The following SBF2 variants were observed in gnomAD, a reference collection of about 807,000 sequenced individuals.
The protein encoded by SBF2 is SET binding factor 2, also known as myotubularin-related protein 13.
SBF2 carries 112 observed loss-of-function variants against 225.2 expected under a neutral mutation model. The observed-to-expected ratio is 0.50, with a 90% CI of 0.43 to 0.58. The LOEUF is 0.58. Among genes scored for constraint, SBF2 ranks in the 20% least tolerant of loss-of-function variants. The probability of loss-of-function intolerance (pLI) is 0.00; values close to 1 mark genes in which losing one functional copy is unlikely to be tolerated. For missense variants in SBF2, 1,996 were observed against 2,206.2 expected (o/e 0.90, Z 1.91); for synonymous variants, 763 against 773.3 (o/e 0.99, Z 0.22).
rs7115667 is a variant in SBF2, at chr11:9,904,160, T to C, written c.1861-8149A>G. Reference sequence around the variant, plus strand: ...AATGTTCTGGTTAAAAAAACAAAGATTGACACTGAATCTAAAAACAGAATC... The same window carrying C: ...AATGTTCTGGTTAAAAAAACAAAGACTGACACTGAATCTAAAAACAGAATC... On this transcript the variant is annotated intron_variant, in intron 16 of 39. Transcript: ENST00000256190. Among the ~76,000 whole-genome samples, 721 of 152,094 alleles carry C rather than the reference T, an allele frequency of 4.7e-3. 5 individuals are homozygous for C. The highest frequency in any genetic ancestry group is 0.017 in the African/African-American group (685 of 41,470).
intron 16 of SBF2, among the ~76,000 whole-genome samples, chr11:9,939,798 T>G (rs1865141898): frequency 1.3e-5 from 2 of 152,156 alleles, no homozygotes. Flanking sequence ...GTTGAAATTT[T>G]GTTCAAAGGG....
At chr11:9,865,214 T>C (rs978707167) in intron 17 of SBF2, among the ~76,000 whole-genome samples, 1 of 152,198 alleles carries the variant, frequency 6.6e-6, no homozygotes, top group Non-Finnish European at 1.5e-5. Context: ...TTTATTCAGG[T>C]AATGAGAATT....
intron 36 of SBF2, among the ~76,000 whole-genome samples, chr11:9,786,395 G>GA (rs1200675535): frequency 5.9e-5 from 9 of 151,904 alleles, no homozygotes; most frequent in South Asian, 2.1e-4. Flanking sequence ...TTCATTATTA[G>GA]AAAAAATCAA....
chr11:10,007,842 A>G (rs1312948603), intron 6 of SBF2, among the ~76,000 whole-genome samples: 3 of 152,220 alleles, frequency 2.0e-5, no homozygotes, highest in Non-Finnish European at 4.4e-5. Flanking sequence ...ACCCACTAGA[A>G]ACCAGACTCC....
chr11:9,798,887 G>A (rs1853303540), intron 32 of SBF2, among the ~76,000 whole-genome samples: 1 of 149,670 alleles, frequency 6.7e-6, no homozygotes, highest in Non-Finnish European at 1.5e-5. Context: ...GGGAGGCGGA[G>A]CTTGCAGTGA....
chr11:10,045,404 T>A (rs925905127), intron 2 of SBF2, among the ~76,000 whole-genome samples: 1 of 152,266 alleles, frequency 6.6e-6, no homozygotes, highest in South Asian at 2.1e-4. Flanking sequence ...TGACTTCAAG[T>A]GATCCACCCG....
chr11:9,884,424 A>G (rs2134095534), intron 17 of SBF2, among the ~76,000 whole-genome samples: 1 of 152,332 alleles, frequency 6.6e-6, no homozygotes, highest in South Asian at 2.1e-4. Flanking sequence ...ATGAAATCTT[A>G]CATATAAGTT....
intron 16 of SBF2, among the ~76,000 whole-genome samples, chr11:9,936,856 C>A (rs11042556): frequency 0.33 from 49,627 of 151,954 alleles, 9,380 homozygotes; most frequent in Non-Finnish European, 0.43. Context: ...ATGTAAATGA[C>A]AAGTTCATAG....
intron 6 of SBF2, among the ~76,000 whole-genome samples, chr11:10,012,531 C>A (rs1263229557): frequency 1.3e-5 from 2 of 152,138 alleles, no homozygotes; most frequent in East Asian, 1.9e-4. Context: ...AGGTTTTTGA[C>A]CACTGTCATT....
intron 1 of SBF2, among the ~76,000 whole-genome samples, chr11:10,223,399 TTATATATATATATATATATATATATATA>T (rs3074175): frequency 1.2e-4 from 7 of 59,272 alleles, no homozygotes; most frequent in Non-Finnish European, 1.4e-4. Flanking sequence ...ATTTTGCACA[TTATATATATATATATATATATATATATA>T]TATATATATA....
chr11:10,272,232 G>A (rs548507459), intron 1 of SBF2: 4 of 1,145,064 alleles, frequency 3.5e-6, no homozygotes, highest in Non-Finnish European at 4.9e-6. Context: ...AAGAGCTGCA[G>A]GGCGCTCGCG....
chr11:9,902,385 C>T (rs1029118282), intron 16 of SBF2, among the ~76,000 whole-genome samples: 1 of 152,184 alleles, frequency 6.6e-6, no homozygotes, highest in Non-Finnish European at 1.5e-5. Flanking sequence ...TTGAATCCAC[C>T]TATGACCTGT....
intron 2 of SBF2, among the ~76,000 whole-genome samples, chr11:10,160,627 T>C (rs968368353): frequency 6.6e-6 from 1 of 152,212 alleles, no homozygotes; most frequent in African/African-American, 2.4e-5. Flanking sequence ...TTGGAGATTG[T>C]CCTTAAAAAC....
intron 17 of SBF2, among the ~76,000 whole-genome samples, chr11:9,871,036 C>A (rs1476198357): frequency 3.4e-5 from 5 of 148,932 alleles, no homozygotes; most frequent in Non-Finnish European, 7.4e-5. Flanking sequence ...GCAAAACTAT[C>A]AAAAACCCTA....
At chr11:10,246,338 C>T (rs1417043563) in intron 1 of SBF2, among the ~76,000 whole-genome samples, 1 of 152,148 alleles carries the variant, frequency 6.6e-6, no homozygotes, top group Non-Finnish European at 1.5e-5. Flanking sequence ...AGGTGGAGTG[C>T]AATGGCGCAA....
chr11:9,967,961 CTCTCTCTCTCTATA>C lies in SBF2; in HGVS notation c.1600+366_1600+379del, dbSNP rs1394233406. ...TCTGTCTGTCTGTCTCTCTCTCTCTCTCTCTCTCTCTATATATATATATATATATAAAATATATA... is the reference window on the plus strand; with the variant it reads ...TCTGTCTGTCTGTCTCTCTCTCTCTCTATATATATATATATAAAATATATA... On this transcript the variant is annotated intron_variant, in intron 14 of 39. Transcript: ENST00000256190. Among the ~76,000 whole-genome samples the C allele has an allele frequency of 1.0e-4, 13 of 128,014 alleles. 1 individual carries two copies. Among genetic ancestry groups the C allele is most frequent in the African/African-American group, 3.0e-4 (10 of 33,226 alleles). The allele number at this position is 128,014 out of a possible 152,430, so 84.0% of individuals were successfully genotyped here.
chr11:9,806,239 T>G (rs1853840183), intron 32 of SBF2, among the ~76,000 whole-genome samples: 1 of 152,206 alleles, frequency 6.6e-6, no homozygotes, highest in South Asian at 2.1e-4. Flanking sequence ...CAGCAAAAGA[T>G]TCAAAGAATT....
chr11:9,832,504 G>C, intron 26 of SBF2, 84 bp from the exon 27 acceptor site: 3 of 945,590 alleles, frequency 3.2e-6, no homozygotes, highest in Non-Finnish European at 5.1e-6. Context: ...AGAGAAGAGG[G>C]AGACAGAGAA....
chr11:10,258,914 A>G (rs1961160441), intron 1 of SBF2, among the ~76,000 whole-genome samples: 1 of 152,212 alleles, frequency 6.6e-6, no homozygotes, highest in South Asian at 2.1e-4. Flanking sequence ...ACTAATAAGC[A>G]AAGGAACAGA....
Sources: allele counts gnomAD v4.1 joint callset (sites outside exome capture counted in the v4.1 genomes callset), GRCh38; gene constraint gnomAD v4.1.1; transcripts MANE v1.5; gene names NCBI Gene and HGNC (gene_info 2026-07-23, HGNC 2026-07-21).